MAST4: variants seen among roughly 807,000 people sequenced by gnomAD.
MAST4 encodes microtubule-associated serine/threonine-protein kinase 4.
Under a neutral mutation model 162.7 loss-of-function variants are expected in MAST4, and 89 were observed. The ratio of observed to expected loss-of-function variants is 0.55; its 90% CI spans 0.46 to 0.65. MAST4 has a LOEUF of 0.65. Among genes scored for constraint, MAST4 ranks in the 30% least tolerant of loss-of-function variants. The pLI is 0.00. For missense variants in MAST4, 3,153 were observed against 3,374.0 expected (o/e 0.93, Z 1.62); for synonymous variants, 1,479 against 1,361.1 (o/e 1.09, Z -1.91).
At chr5:66,748,203 T>C (rs1752883964) in intron 1 of MAST4, among the ~76,000 whole-genome samples, 2 of 152,022 alleles carry the variant, frequency 1.3e-5, no homozygotes, top group Admixed American at 1.3e-4. Context: ...GGGCAGGGAT[T>C]TCTGTCAGTT....
At chr5:67,160,677 A>G (rs1773090867) in intron 27 of MAST4, 85 bp downstream of exon 27, 1 of 1,426,562 alleles carries the variant, frequency 7.0e-7, no homozygotes, top group Admixed American at 2.3e-5. Flanking sequence ...TTATATATGA[A>G]GAAGATCTAT....
chr5:66,940,337 C>G, intron 4 of MAST4, among the ~76,000 whole-genome samples: 1 of 152,098 alleles, frequency 6.6e-6, no homozygotes. Context: ...CTCTTTCTTT[C>G]ACAAAAGATT....
At chr5:66,833,110 G>C (rs1193613510) in intron 3 of MAST4, among the ~76,000 whole-genome samples, 1 of 152,194 alleles carries the variant, frequency 6.6e-6, no homozygotes, top group Non-Finnish European at 1.5e-5. Context: ...TACTCTAAGA[G>C]TGGATTTTAA....
chr5:67,104,767 G>GA (rs1765411274), intron 10 of MAST4, among the ~76,000 whole-genome samples, 192 bp downstream of exon 10: 2 of 151,266 alleles, frequency 1.3e-5, no homozygotes, highest in Admixed American at 6.6e-5. Flanking sequence ...TATAGTAATA[G>GA]AAAATTAATG....
chr5:66,699,624 G>A (rs1749633648), intron 1 of MAST4, among the ~76,000 whole-genome samples: 1 of 152,182 alleles, frequency 6.6e-6, no homozygotes. Flanking sequence ...CATGGATGAA[G>A]CTGGAAACCA....
intron 1 of MAST4, among the ~76,000 whole-genome samples, chr5:66,724,074 C>T (rs904618869): frequency 2.6e-5 from 4 of 152,100 alleles, no homozygotes; most frequent in African/African-American, 9.7e-5. Flanking sequence ...AATTGGCACT[C>T]TTAGTGGAAT....
chr5:67,081,256 G>A (rs1160002258), intron 5 of MAST4, among the ~76,000 whole-genome samples: 2 of 150,974 alleles, frequency 1.3e-5, no homozygotes, highest in African/African-American at 4.9e-5. Flanking sequence ...GATTTGGGGT[G>A]GGGGAGGTTA....
intron 4 of MAST4, among the ~76,000 whole-genome samples, chr5:67,014,462 G>C (rs906887934): frequency 1.3e-5 from 2 of 152,286 alleles, no homozygotes; most frequent in East Asian, 1.9e-4. Flanking sequence ...GCCTCTAAGC[G>C]TATGAATCAT....
chr5:66,648,083 T>TGAGAGA (rs375744842), intron 1 of MAST4, among the ~76,000 whole-genome samples: 5 of 87,068 alleles, frequency 5.7e-5, no homozygotes, highest in East Asian at 3.4e-4. Flanking sequence ...TGTGTGTGTG[T>TGAGAGA]GAGAGAGAGA....
chr5:66,627,296 G>A (rs4331850), intron 1 of MAST4, among the ~76,000 whole-genome samples: 103,445 of 152,006 alleles, frequency 0.68, 35,580 homozygotes, highest in East Asian at 0.8. Context: ...CCATTCTTCA[G>A]TTACCTCCCA....
rs111327201 is a variant in MAST4, at chr5:67,024,229, T to G, written c.675-30175T>G. Among the ~76,000 whole-genome samples the G allele has an allele frequency of 4.3e-3, 657 of 151,526 alleles. 4 individuals carry two copies. Among genetic ancestry groups the G allele is most frequent in the African/African-American group, 0.015 (617 of 41,360 alleles). On this transcript the variant is annotated intron_variant, in intron 4 of 28. Coordinates refer to ENST00000403625, the MANE Select transcript of MAST4 (RefSeq NM_001164664.2). ...GGTTCATCCATGTTGTAGAATGTCT[T>G]GGAATTTTCTTCCTTGTTTCTGGCT...
At chr5:66,733,417 T>A (rs922062943) in intron 1 of MAST4, among the ~76,000 whole-genome samples, 1 of 152,190 alleles carries the variant, frequency 6.6e-6, no homozygotes, top group Admixed American at 6.5e-5. Context: ...GAAATTCATC[T>A]TATAGATATC....
rs112535696 is a variant in MAST4 at position 66,890,408 on chromosome 5, G to A, written c.643-9543G>A. Among the ~76,000 whole-genome samples the A allele has an allele frequency of 3.1e-3, 464 of 152,130 alleles. 1 individual carries two copies. The highest frequency in any genetic ancestry group is 0.011 in the African/African-American group (440 of 41,518). On this transcript the variant is annotated intron_variant, in intron 3 of 28. Coordinates refer to ENST00000403625, the MANE Select transcript of MAST4 (RefSeq NM_001164664.2). ...TCTCAAGCTCGATTTTGACATCAAG[G>A]GTATAATGTGTTAGGAAGCATCAAA...
chr5:66,826,319 T>C (rs781573129), intron 3 of MAST4, among the ~76,000 whole-genome samples: 2 of 151,980 alleles, frequency 1.3e-5, no homozygotes, highest in Non-Finnish European at 2.9e-5. Flanking sequence ...TTAGATTTTA[T>C]CTCAAAATAT....
At chr5:67,084,396 T>C (rs1213599443) in intron 5 of MAST4, among the ~76,000 whole-genome samples, 1 of 152,226 alleles carries the variant, frequency 6.6e-6, no homozygotes, top group East Asian at 1.9e-4. Flanking sequence ...TGGAGTTGGA[T>C]ATACACATCT....
At chr5:66,904,039 C>T (rs886418771) in intron 4 of MAST4, among the ~76,000 whole-genome samples, 5 of 152,160 alleles carry the variant, frequency 3.3e-5, no homozygotes, top group African/African-American at 9.7e-5. Flanking sequence ...TTTCTAATAA[C>T]GAATTTGTAC....
At chr5:67,082,721 G>A (rs1311193086) in intron 5 of MAST4, among the ~76,000 whole-genome samples, 2 of 152,028 alleles carry the variant, frequency 1.3e-5, no homozygotes, top group African/African-American at 2.4e-5. Context: ...TGGTCATATG[G>A]CATATATACA....
chr5:66,754,780 A>G (rs1753424870), intron 1 of MAST4, among the ~76,000 whole-genome samples: 1 of 152,232 alleles, frequency 6.6e-6, no homozygotes, highest in Non-Finnish European at 1.5e-5. Flanking sequence ...GAAGAAAAAT[A>G]AGAACAAGGA....
At chr5:67,068,980 T>G (rs1321253714) in intron 5 of MAST4, among the ~76,000 whole-genome samples, 1 of 151,708 alleles carries the variant, frequency 6.6e-6, no homozygotes, top group Non-Finnish European at 1.5e-5. Flanking sequence ...TCCTAAGTAT[T>G]CCGCTGACCC....
Sources: gnomAD v4.1 joint callset for allele counts (sites outside exome capture counted in the v4.1 genomes callset) on GRCh38, gnomAD v4.1.1 for gene constraint, MANE v1.5 for transcripts, NCBI Gene and HGNC (gene_info 2026-07-23, HGNC 2026-07-21) for gene names.